PUM1: variants seen among roughly 807,000 people sequenced by gnomAD.
PUM1 encodes the protein pumilio homolog 1.
In PUM1, 13 loss-of-function variants were observed where a neutral mutation model predicts 131.8. That is an observed-to-expected ratio of 0.10 (90% confidence interval 0.06 to 0.16). PUM1 has a LOEUF of 0.16. Ranked by LOEUF, PUM1 falls within the 10% of genes least tolerant of loss-of-function variation. PUM1 has a pLI of 1.00. For missense variants in PUM1, 961 were observed against 1,512.4 expected, an observed-to-expected ratio of 0.64 and a Z score of 6.05; for synonymous variants, 509 against 556.5, an observed-to-expected ratio of 0.91 and a Z score of 1.20.
intron 2 of PUM1, among the ~76,000 whole-genome samples, chr1:31,032,270 A>G (rs1488832767): frequency 6.6e-6 from 1 of 152,254 alleles, no homozygotes; most frequent in Non-Finnish European, 1.5e-5. Flanking sequence ...AGGAAACAAA[A>G]CTAATACTCA....
chr1:30,935,311 A>C (rs893456384), intron 21 of PUM1, among the ~76,000 whole-genome samples: 1 of 152,126 alleles, frequency 6.6e-6, no homozygotes, highest in African/African-American at 2.4e-5. Context: ...TCATCACTCT[A>C]TTAAGTATCA....
At chr1:31,059,175 C>T (rs1644316285) in intron 2 of PUM1, 29 bp downstream of exon 2, 1 of 1,528,388 alleles carries the variant, frequency 6.5e-7, no homozygotes, top group Non-Finnish European at 8.8e-7. Flanking sequence ...AAAGGAATGT[C>T]AAAGCTAAAA....
chr1:30,993,697 C>T (rs968824448), intron 6 of PUM1, among the ~76,000 whole-genome samples: 2 of 152,156 alleles, frequency 1.3e-5, no homozygotes, highest in African/African-American at 4.8e-5. Flanking sequence ...GCTGGATATT[C>T]AAGGTGGAGA....
chr1:31,000,053 G>C (rs1284896331), intron 5 of PUM1, among the ~76,000 whole-genome samples: 1 of 152,216 alleles, frequency 6.6e-6, no homozygotes, highest in Non-Finnish European at 1.5e-5. Context: ...CTCTGCACCA[G>C]AGATTGATCT....
chr1:31,046,250 G>C (rs1398609515), intron 2 of PUM1, among the ~76,000 whole-genome samples: 1 of 151,500 alleles, frequency 6.6e-6, no homozygotes, highest in East Asian at 2.0e-4. Context: ...GCTGGGTGTG[G>C]TGGCGCACGC....
chr1:31,003,162 A>C (rs1642275455), intron 5 of PUM1, among the ~76,000 whole-genome samples: 1 of 152,206 alleles, frequency 6.6e-6, no homozygotes, highest in Admixed American at 6.5e-5. Flanking sequence ...CTACCCCAAA[A>C]GTAAAAATAC....
At chr1:30,938,092 G>A (rs1639289029) in intron 20 of PUM1, among the ~76,000 whole-genome samples, 1 of 152,018 alleles carries the variant, frequency 6.6e-6, no homozygotes, top group Non-Finnish European at 1.5e-5. Flanking sequence ...TTTTGTAGAG[G>A]CAGGATCTTG....
At chr1:31,000,363 C>T (rs975164867) in intron 5 of PUM1, among the ~76,000 whole-genome samples, 1 of 152,136 alleles carries the variant, frequency 6.6e-6, no homozygotes, top group African/African-American at 2.4e-5. Flanking sequence ...GCTCAAATTG[C>T]AAGTGGCCAA....
intron 16 of PUM1, among the ~76,000 whole-genome samples, chr1:30,950,934 T>C (rs1241588569): frequency 6.6e-6 from 1 of 152,216 alleles, no homozygotes; most frequent in African/African-American, 2.4e-5. Flanking sequence ...TTCTACATCA[T>C]TAAGAGAATT....
chr1:30,993,607 CTCTT>C (rs1277935489), intron 6 of PUM1, among the ~76,000 whole-genome samples: 2 of 152,148 alleles, frequency 1.3e-5, no homozygotes, highest in African/African-American at 2.4e-5. Flanking sequence ...CTGGTTCCTT[CTCTT>C]TCTTTCTCTC....
chr1:31,024,150 C>T lies in PUM1; in HGVS notation c.432+4646G>A, dbSNP rs552298962. On this transcript the variant is annotated intron_variant, in intron 3 of 21. Transcript: ENST00000426105. Reference sequence around the variant, plus strand: ...TATCTAGTCCAACATCTTTGTCTTACGGGTAGAAAAAAGTAAGTGCAAAGA... The same window carrying T: ...TATCTAGTCCAACATCTTTGTCTTATGGGTAGAAAAAAGTAAGTGCAAAGA... Among the ~76,000 whole-genome samples, 13 of 152,184 alleles carry T rather than the reference C, an allele frequency of 8.5e-5. 1 individual carries two copies. The South Asian group carries it at 1.7e-3, about 19-fold the overall frequency.
chr1:30,989,770 CAAG>C (rs981208919), intron 7 of PUM1, among the ~76,000 whole-genome samples: 29 of 151,816 alleles, frequency 1.9e-4, no homozygotes, highest in African/African-American at 5.8e-4. Flanking sequence ...GAGAGCAAAT[CAAG>C]AAGAAGAAAG....
chr1:31,009,782 A>AAAAAAAAAAAAAAAAAACAAAAAC (rs375044466), intron 3 of PUM1, among the ~76,000 whole-genome samples: 17 of 125,348 alleles, frequency 1.4e-4, no homozygotes, highest in East Asian at 9.3e-4. Context: ...AAAAAAAAAA[A>AAAAAAAAAAAAAAAAAACAAAAAC]AAAAACAAAA....
At chr1:30,985,409 C>T (rs1020536492) in intron 7 of PUM1, among the ~76,000 whole-genome samples, 7 of 152,002 alleles carry the variant, frequency 4.6e-5, no homozygotes, top group African/African-American at 1.4e-4. Flanking sequence ...TGCTAGCATT[C>T]TGGGAGGCCG....
chr1:31,003,361 A>C (rs1642283908), intron 5 of PUM1, among the ~76,000 whole-genome samples: 1 of 152,244 alleles, frequency 6.6e-6, no homozygotes, highest in African/African-American at 2.4e-5. Context: ...AAAGTGATTC[A>C]GGCTTCCACA....
At chr1:30,968,208 G>A (rs1640704006) in intron 11 of PUM1, 146 bp downstream of exon 11, 1 of 1,073,718 alleles carries the variant, frequency 9.3e-7, no homozygotes, top group African/African-American at 1.5e-5. Flanking sequence ...TAGTCTAAGT[G>A]AGGGCAAGTG....
chr1:30,997,614 C>T (rs1253752757), intron 5 of PUM1, among the ~76,000 whole-genome samples: 1 of 151,176 alleles, frequency 6.6e-6, no homozygotes, highest in African/African-American at 2.4e-5. Context: ...CAATGCTCTG[C>T]ATTATCTTTC....
intron 3 of PUM1, 185 bp downstream of exon 3, chr1:31,028,611 A>T (rs1643305046): frequency 3.3e-6 from 2 of 613,794 alleles, no homozygotes; most frequent in South Asian, 3.9e-5. Flanking sequence ...GGTTATGGTT[A>T]ACATTCTTCT....
chr1:30,937,462 G>A (rs1051872142), intron 20 of PUM1, among the ~76,000 whole-genome samples: 4 of 152,030 alleles, frequency 2.6e-5, no homozygotes, highest in Non-Finnish European at 5.9e-5. Context: ...CCGAGATTGT[G>A]CCACTGCACT....
Sources: allele counts gnomAD v4.1 joint callset (sites outside exome capture counted in the v4.1 genomes callset), GRCh38; gene constraint gnomAD v4.1.1; transcripts MANE v1.5; gene names NCBI Gene and HGNC (gene_info 2026-07-23, HGNC 2026-07-21).